RNF24: variants seen among roughly 807,000 people sequenced by gnomAD.
RNF24 encodes ring finger protein 24.
Under a neutral mutation model 20.0 loss-of-function variants are expected in RNF24, and 14 were observed. That is an observed-to-expected ratio of 0.70 (90% CI 0.46 to 1.10). The LOEUF is 1.10. RNF24 is among the 50% of genes least tolerant of loss of function. The pLI is 0.00. For synonymous variants in RNF24, 45 were observed against 61.1 expected, an observed-to-expected ratio of 0.74 and a Z score of 1.23; for missense variants, 124 against 177.6, an observed-to-expected ratio of 0.70 and a Z score of 1.71.
chr20:3,944,616 T>C (rs241631), intron 4 of RNF24, among the ~76,000 whole-genome samples: 49,824 of 152,022 alleles, frequency 0.33, 9,287 homozygotes, highest in African/African-American at 0.52. Flanking sequence ...AGAATTCTTA[T>C]AGGCTATGTA....
chr20:3,939,494 T>C (rs2090930358), intron 4 of RNF24, among the ~76,000 whole-genome samples: 1 of 152,216 alleles, frequency 6.6e-6, no homozygotes, highest in Non-Finnish European at 1.5e-5. Context: ...TTGTTGAAAA[T>C]CAACTGACCA....
intron 1 of RNF24, among the ~76,000 whole-genome samples, chr20:3,998,195 C>T (rs928991620): frequency 6.6e-6 from 1 of 151,494 alleles, no homozygotes; most frequent in Admixed American, 6.6e-5. Context: ...AATCCCAGCA[C>T]TTTGGGAGGC....
chr20:3,973,500 C>CAAAAAAAAAAAAAAAAA (rs56824542), intron 1 of RNF24, among the ~76,000 whole-genome samples: 4 of 101,120 alleles, frequency 4.0e-5, no homozygotes, highest in African/African-American at 7.7e-5. Flanking sequence ...GGAAGAATGA[C>CAAAAAAAAAAAAAAAAA]AAAAAAAAAA....
intron 1 of RNF24, among the ~76,000 whole-genome samples, chr20:3,981,581 C>T (rs1364386829): frequency 2.0e-5 from 3 of 151,500 alleles, no homozygotes; most frequent in Non-Finnish European, 2.9e-5. Flanking sequence ...TCTCGGCTGA[C>T]TGCAACCTCC....
intron 1 of RNF24, among the ~76,000 whole-genome samples, chr20:4,011,663 C>T (rs990074221): frequency 2.6e-5 from 4 of 152,090 alleles, no homozygotes; most frequent in African/African-American, 9.7e-5. Flanking sequence ...AAATGAAAAC[C>T]AAACAAACAA....
At chr20:3,982,103 G>GTCTCTCTCTCTC (rs34868373) in intron 1 of RNF24, among the ~76,000 whole-genome samples, 9,372 of 136,920 alleles carry the variant, frequency 0.068, 729 homozygotes, top group African/African-American at 0.18. Context: ...GTGAGACCTC[G>GTCTCTCTCTCTC]TCTCTCTCTC....
chr20:3,933,161 C>G lies in RNF24; in HGVS notation c.*902G>C, dbSNP rs1600613280. On this transcript the variant is annotated 3_prime_UTR_variant, in exon 6 of 6. Coordinates refer to ENST00000358395, the MANE Select transcript of RNF24 (RefSeq NM_001134337.3). Reference sequence around the variant, plus strand: ...GGGGAGAGGCCAAAGGGTCGGCATTCCCTTCATCCAGCCGGGCCAGAAGTA... The same window carrying G: ...GGGGAGAGGCCAAAGGGTCGGCATTGCCTTCATCCAGCCGGGCCAGAAGTA... The G allele has an allele frequency of 3.1e-5, 12 of 384,484 alleles. No individual in the cohort carries two copies. The East Asian group carries it at 4.5e-4, about 14-fold the overall frequency. 23.8% of individuals were successfully genotyped at this position (384,484 alleles called of 1,614,324 possible). A position where few individuals can be genotyped will look rare whatever the true frequency, so the allele number is the denominator to read the frequency against.
At chr20:4,011,338 G>T (rs1280352496) in intron 1 of RNF24, among the ~76,000 whole-genome samples, 1 of 152,222 alleles carries the variant, frequency 6.6e-6, no homozygotes, top group Non-Finnish European at 1.5e-5. Context: ...AGGAATTTCA[G>T]ATTTTGTATG....
intron 1 of RNF24, among the ~76,000 whole-genome samples, chr20:3,970,745 G>A (rs1172837352): frequency 6.6e-6 from 1 of 152,086 alleles, no homozygotes; most frequent in Non-Finnish European, 1.5e-5. Context: ...GAAGAAAGGG[G>A]AAAGCATAAG....
chr20:3,931,053 C>T lies in RNF24; in HGVS notation c.*3010G>A, dbSNP rs1175312651. 6.6e-6 allele frequency: 1 copy of T among 152,224 alleles called. No individual in the cohort carries two copies. Among genetic ancestry groups the T allele is most frequent in the Non-Finnish European group, 1.5e-5 (1 of 68,066 alleles). The allele number at this position is 152,224 out of a possible 1,614,324, so 9.4% of individuals were successfully genotyped here. ...TTCCTAGTGTCTGATACTGACCCAA[C>T]CAGGAATCAAGTCAGGCTGGTTTTG... On this transcript the variant is annotated 3_prime_UTR_variant, in exon 6 of 6. Transcript: ENST00000358395.
At chr20:3,941,529 G>C (rs241624) in intron 4 of RNF24, among the ~76,000 whole-genome samples, 1 of 151,510 alleles carries the variant, frequency 6.6e-6, no homozygotes, top group Non-Finnish European at 1.5e-5. Flanking sequence ...TTAAAATGAA[G>C]TACTAAAAAA....
intron 3 of RNF24, 67 bp downstream of exon 3, chr20:3,948,170 A>G (rs2091042063): frequency 8.7e-7 from 1 of 1,152,716 alleles, no homozygotes; most frequent in Non-Finnish European, 1.3e-6. Flanking sequence ...GTATGAGTGG[A>G]AATCAGAGTT....
intron 1 of RNF24, among the ~76,000 whole-genome samples, chr20:3,979,632 G>A (rs970978877): frequency 6.6e-6 from 1 of 152,110 alleles, no homozygotes; most frequent in African/African-American, 2.4e-5. Flanking sequence ...CAGAGATTAC[G>A]CCATTGCACT....
chr20:4,014,371 T>C (rs1982705093), intron 1 of RNF24, among the ~76,000 whole-genome samples: 1 of 152,190 alleles, frequency 6.6e-6, no homozygotes, highest in African/African-American at 2.4e-5. Flanking sequence ...GAAAACTGTG[T>C]CCTAGATATA....
chr20:3,942,676 T>G (rs1428437538), intron 4 of RNF24, among the ~76,000 whole-genome samples: 2 of 152,118 alleles, frequency 1.3e-5, no homozygotes, highest in Non-Finnish European at 2.9e-5. Flanking sequence ...GGTTTCACCA[T>G]GTTAGCCAGG....
intron 2 of RNF24, among the ~76,000 whole-genome samples, chr20:3,960,277 T>C (rs958995464): frequency 6.6e-6 from 1 of 152,202 alleles, no homozygotes; most frequent in African/African-American, 2.4e-5. Flanking sequence ...GATCTCTAGA[T>C]TAACTGCAAA....
intron 2 of RNF24, among the ~76,000 whole-genome samples, chr20:3,953,367 A>G (rs1568625576): frequency 6.7e-6 from 1 of 148,924 alleles, no homozygotes; most frequent in Non-Finnish European, 1.5e-5. Flanking sequence ...ATTAGCCAGG[A>G]TGGTCTCCAT....
intron 1 of RNF24, among the ~76,000 whole-genome samples, chr20:3,991,948 A>G (rs201214504): frequency 0.094 from 14,369 of 152,100 alleles, 803 homozygotes; most frequent in Middle Eastern, 0.17. Context: ...ACGCACACAC[A>G]CACACACACA....
intron 1 of RNF24, among the ~76,000 whole-genome samples, chr20:4,000,133 T>C (rs908560461): frequency 2.6e-5 from 4 of 152,210 alleles, no homozygotes; most frequent in African/African-American, 9.6e-5. Context: ...AGCCACTGAA[T>C]TGTACACTTT....
Sources: allele counts gnomAD v4.1 joint callset (sites outside exome capture counted in the v4.1 genomes callset), GRCh38; gene constraint gnomAD v4.1.1; transcripts MANE v1.5; gene names NCBI Gene and HGNC (gene_info 2026-07-23, HGNC 2026-07-21).